Variants in MORN2 observed in about 807,000 individuals in gnomAD.
MORN2 encodes the protein MORN repeat containing 2, also known as MORN repeat-containing protein 2.
Under a neutral mutation model 13.4 loss-of-function variants are expected in MORN2, and 15 were observed. The observed-to-expected ratio is 1.12, with a 90% CI of 0.75 to 1.72. The LOEUF is 1.72. MORN2 is among the 40% of genes most tolerant of loss of function. The pLI is 0.00. For missense variants in MORN2, 168 were observed against 134.6 expected (o/e 1.25, Z -1.23); for synonymous variants, 46 against 43.6 (o/e 1.06, Z -0.22).
chr2:38,877,864 C>G (rs151138964), intron 1 of MORN2, among the ~76,000 whole-genome samples: 131 of 151,878 alleles, frequency 8.6e-4, no homozygotes, highest in Non-Finnish European at 1.5e-3. Context: ...AGGGTGTGAT[C>G]GGACTCACTG....
intron 1 of MORN2, among the ~76,000 whole-genome samples, chr2:38,876,569 G>A (rs1041678787): frequency 2.0e-5 from 3 of 152,216 alleles, no homozygotes; most frequent in Non-Finnish European, 4.4e-5. Flanking sequence ...AGTGGGGTGA[G>A]AAGAGATTTG....
intron 3 of MORN2, among the ~76,000 whole-genome samples, 185 bp downstream of exon 3, chr2:38,880,891 C>T (rs971052256): frequency 7.9e-5 from 12 of 152,140 alleles, no homozygotes; most frequent in Non-Finnish European, 1.3e-4. Flanking sequence ...AGCTAATCAT[C>T]GTTACTTTCT....
Position 38,882,406 on chromosome 2 carries a change from AT to A in MORN2, c.354-5del. Reference sequence around the variant, plus strand: ...GTTAATGGAAAACTTATTTTCTACTATTGCAGGGTGGAAGGTGAAGGGGAAT... The same window carrying A: ...GTTAATGGAAAACTTATTTTCTACTATGCAGGGTGGAAGGTGAAGGGGAAT... On this transcript the variant is annotated splice_polypyrimidine_tract_variant and splice_region_variant and intron_variant, in intron 4 of 4. Transcript: ENST00000644631. 6.5e-7 allele frequency: 1 copy of A among 1,530,340 alleles called. No individual in the cohort carries two copies. Among genetic ancestry groups the A allele is most frequent in the Non-Finnish European group, 8.9e-7 (1 of 1,129,320 alleles). 94.8% of individuals were successfully genotyped at this position (1,530,340 alleles called of 1,614,324 possible). A position where few individuals can be genotyped will look rare whatever the true frequency, so the allele number is the denominator to read the frequency against.
chr2:38,878,953 A>G (rs1164287618), intron 1 of MORN2, among the ~76,000 whole-genome samples: 2 of 152,206 alleles, frequency 1.3e-5, no homozygotes, highest in Non-Finnish European at 2.9e-5. Context: ...GTGATTCTGA[A>G]GGATGGGCCT....
At position 38,882,686 on chromosome 2, in the gene MORN2, T is replaced by C. The variant is rs1277112223; in HGVS notation, c.*171T>C. 1.1e-5 allele frequency: 5 copies of C among 445,976 alleles called. No homozygotes were observed. Among genetic ancestry groups the C allele is most frequent in the African/African-American group, 9.9e-5 (5 of 50,716 alleles). The allele number at this position is 445,976 out of a possible 1,614,324, so 27.6% of individuals were successfully genotyped here. On this transcript the variant is annotated 3_prime_UTR_variant, in exon 5 of 5. Transcript: ENST00000644631. ...TTTATATTCATTGTCTTACAATTAG[T>C]TTAAAATAAATGACATGATTCAATT...
At chr2:38,876,812 C>T (rs1307322253) in intron 1 of MORN2, among the ~76,000 whole-genome samples, 1 of 152,186 alleles carries the variant, frequency 6.6e-6, no homozygotes, top group East Asian at 1.9e-4. Context: ...AGTTTAGACA[C>T]TGGGCTAAGT....
At position 38,878,410 on chromosome 2, in the gene MORN2, G is replaced by T. The variant is rs367885516; in HGVS notation, c.59-1769G>T. 6.6e-5 allele frequency among the ~76,000 whole-genome samples: 10 copies of T among 152,070 alleles called. No individual in the cohort carries two copies. In the South Asian group the frequency reaches 1.2e-3, roughly 19 times the overall value. Reference sequence around the variant, plus strand: ...TTTCTTCAGTTCTGAGAAAAATTTGGCTATTTATTCAAATATCCCTTATTC... The same window carrying T: ...TTTCTTCAGTTCTGAGAAAAATTTGTCTATTTATTCAAATATCCCTTATTC... On this transcript the variant is annotated intron_variant, in intron 1 of 4. Coordinates refer to ENST00000644631, the MANE Select transcript of MORN2 (RefSeq NM_001145450.3).
At chr2:38,881,619 A>T (rs1443892478) in intron 4 of MORN2, 41 bp downstream of exon 4, 4 of 1,390,392 alleles carry the variant, frequency 2.9e-6, no homozygotes, top group Non-Finnish European at 2.9e-6. Flanking sequence ...TTTCTAAAAG[A>T]TTATTTTCTG....
intron 1 of MORN2, among the ~76,000 whole-genome samples, chr2:38,877,253 G>T (rs906757980): frequency 6.6e-6 from 1 of 152,036 alleles, no homozygotes; most frequent in Admixed American, 6.6e-5. Context: ...GCGACAGAGC[G>T]AGACTCCGTC....
chr2:38,876,028 G>T lies in MORN2; in HGVS notation c.-25G>T, dbSNP rs1467475243. The T allele has an allele frequency of 7.5e-6, 3 of 398,714 alleles. No homozygotes were observed. The highest frequency in any genetic ancestry group is 6.2e-5 in the African/African-American group (3 of 48,644). The allele number at this position is 398,714 out of a possible 1,614,324, so 24.7% of individuals were successfully genotyped here. On this transcript the variant is annotated 5_prime_UTR_variant, in exon 1 of 5. Transcript: ENST00000644631. ...AAGTCGCACCTGGAGCTGTCCTAGCGCCTAGTTCTCTCCCGGCCGCAGAGC... is the reference window on the plus strand; with the variant it reads ...AAGTCGCACCTGGAGCTGTCCTAGCTCCTAGTTCTCTCCCGGCCGCAGAGC...
At chr2:38,878,892 G>T (rs963315919) in intron 1 of MORN2, among the ~76,000 whole-genome samples, 1 of 152,186 alleles carries the variant, frequency 6.6e-6, no homozygotes, top group Non-Finnish European at 1.5e-5. Flanking sequence ...CACCCGTAAA[G>T]ACTGATTCAG....
chr2:38,879,152 C>G (rs1180083776), intron 1 of MORN2, among the ~76,000 whole-genome samples: 1 of 152,104 alleles, frequency 6.6e-6, no homozygotes, highest in African/African-American at 2.4e-5. Context: ...CACTTGCTAT[C>G]TTTATTTTCC....
chr2:38,877,179 T>C (rs897973976), intron 1 of MORN2, among the ~76,000 whole-genome samples: 4 of 152,004 alleles, frequency 2.6e-5, no homozygotes. Context: ...GGCAGGAGAA[T>C]GGCGTGAACC....
In MORN2 at chr2:38,880,723, T is replaced by C; in HGVS notation, c.216+17T>C. 2 of 1,549,682 alleles carry C rather than the reference T, an allele frequency of 1.3e-6. No homozygotes were observed. Among genetic ancestry groups the C allele is most frequent in the Non-Finnish European group, 1.7e-6 (2 of 1,146,552 alleles). On this transcript the variant is annotated intron_variant, in intron 3 of 4. Coordinates refer to ENST00000644631, the MANE Select transcript of MORN2 (RefSeq NM_001145450.3). ...GATGACAAGGTATTATTGTTGTTTTTAATATTGGCAGTGGATAAATAACCC... is the reference window on the plus strand; with the variant it reads ...GATGACAAGGTATTATTGTTGTTTTCAATATTGGCAGTGGATAAATAACCC...
intron 4 of MORN2, among the ~76,000 whole-genome samples, 166 bp downstream of exon 4, chr2:38,881,744 G>A (rs1665782496): frequency 6.6e-6 from 1 of 152,068 alleles, no homozygotes; most frequent in Non-Finnish European, 1.5e-5. Context: ...TCTGCCTCCC[G>A]GGTTCAAGCG....
chr2:38,882,618 A>T lies in MORN2; in HGVS notation c.*103A>T. The T allele has an allele frequency of 1.4e-6, 1 of 729,228 alleles. No individual in the cohort carries two copies. The highest frequency in any genetic ancestry group is 2.0e-5 in the South Asian group (1 of 49,466). The allele number at this position is 729,228 out of a possible 1,614,324, so 45.2% of individuals were successfully genotyped here. A position where few individuals can be genotyped will look rare whatever the true frequency, so the allele number is the denominator to read the frequency against. On this transcript the variant is annotated 3_prime_UTR_variant, in exon 5 of 5. Coordinates refer to ENST00000644631, the MANE Select transcript of MORN2 (RefSeq NM_001145450.3). ...AAATGACTTCATACACTACCCCTAT[A>T]AGTTTGCCAATAAAACCATCACCTG... is the stretch of plus-strand genomic sequence containing the variant.
At chr2:38,882,300 G>T in intron 4 of MORN2, 113 bp from the exon 5 acceptor site, 25 of 259,590 alleles carry the variant, frequency 9.6e-5, no homozygotes, top group East Asian at 5.4e-4. Context: ...AGCAAAGCTT[G>T]AAAGTAGAGG....
chr2:38,881,619 A>G (rs1443892478), intron 4 of MORN2, 41 bp downstream of exon 4: 1 of 1,390,274 alleles, frequency 7.2e-7, no homozygotes, highest in African/African-American at 1.5e-5. Flanking sequence ...TTTCTAAAAG[A>G]TTATTTTCTG....
intron 1 of MORN2, among the ~76,000 whole-genome samples, chr2:38,878,531 A>G (rs1371061635): frequency 1.3e-5 from 2 of 151,892 alleles, no homozygotes; most frequent in Non-Finnish European, 2.9e-5. Context: ...TTTTTTAATT[A>G]AAAAATTTTT....
Sources: gnomAD v4.1 joint callset for allele counts (sites outside exome capture counted in the v4.1 genomes callset) on GRCh38, gnomAD v4.1.1 for gene constraint, MANE v1.5 for transcripts, NCBI Gene and HGNC (gene_info 2026-07-23, HGNC 2026-07-21) for gene names.